SLC25A48: variants seen among roughly 807,000 people sequenced by gnomAD.
SLC25A48 encodes the protein CTC-321K16.1.
In SLC25A48, 29 loss-of-function variants were observed where a neutral mutation model predicts 32.2. That is an observed-to-expected ratio of 0.90 (90% CI 0.67 to 1.23). The LOEUF is 1.23. Ranked by LOEUF, SLC25A48 falls within the 50% of genes most tolerant of loss-of-function variation. SLC25A48 has a pLI of 0.00. For synonymous variants in SLC25A48, 164 were observed against 172.3 expected, an observed-to-expected ratio of 0.95 and a Z score of 0.38; for missense variants, 399 against 422.7, an observed-to-expected ratio of 0.94 and a Z score of 0.49.
intron 1 of SLC25A48, among the ~76,000 whole-genome samples, chr5:135,583,461 C>T (rs143088089): frequency 1.9e-4 from 29 of 152,090 alleles, no homozygotes; most frequent in African/African-American, 6.3e-4. Flanking sequence ...TAGTTCTTTT[C>T]GTGACTGACC....
intron 3 of SLC25A48, among the ~76,000 whole-genome samples, chr5:135,738,214 G>A (rs1392605844): frequency 6.6e-6 from 1 of 152,166 alleles, no homozygotes; most frequent in Non-Finnish European, 1.5e-5. Context: ...AGCAGATCAA[G>A]TGCACTCATT....
At position 135,714,309 on chromosome 5, in the gene SLC25A48, G is replaced by A. The variant is rs139077129; in HGVS notation, c.-521+79353G>A. On this transcript the variant is annotated intron_variant, in intron 3 of 10. Coordinates refer to the SLC25A48 transcript ENST00000646290. ...CCCTGGGGACCAGACAGAAGCAGAT[G>A]AGGGCTTTGTGGTCCACAAATTCCT... Among the ~76,000 whole-genome samples, 296 of 152,340 alleles carry A rather than the reference G, an allele frequency of 1.9e-3. 1 individual carries two copies. Among genetic ancestry groups the A allele is most frequent in the African/African-American group, 6.6e-3 (276 of 41,584 alleles).
intron 2 of SLC25A48, among the ~76,000 whole-genome samples, chr5:135,630,587 CCTT>C (rs1561766106): frequency 8.6e-5 from 8 of 93,394 alleles, no homozygotes; most frequent in African/African-American, 2.5e-4. Context: ...AGGCTGGGCA[CCTT>C]TTTTTTTTTT....
intron 3 of SLC25A48, among the ~76,000 whole-genome samples, chr5:135,682,029 A>G (rs1163206668): frequency 1.3e-5 from 2 of 152,166 alleles, no homozygotes; most frequent in East Asian, 3.9e-4. Flanking sequence ...GAGTCTGCAA[A>G]TATCTGGAGC....
At chr5:135,625,161 G>A (rs1752416145) in intron 1 of SLC25A48, among the ~76,000 whole-genome samples, 1 of 152,116 alleles carries the variant, frequency 6.6e-6, no homozygotes, top group African/African-American at 2.4e-5. Context: ...AGGGTGAGAT[G>A]AGGAAAGGCC....
At chr5:135,744,878 C>T (rs186926189) in intron 3 of SLC25A48, among the ~76,000 whole-genome samples, 35 of 152,148 alleles carry the variant, frequency 2.3e-4, no homozygotes, top group African/African-American at 7.7e-4. Context: ...CCTGTCTCTA[C>T]TAAAACTACA....
intron 3 of SLC25A48, among the ~76,000 whole-genome samples, chr5:135,668,792 G>A (rs1378753595): frequency 2.0e-5 from 3 of 152,188 alleles, no homozygotes; most frequent in Non-Finnish European, 1.5e-5. Context: ...AGGATAATTA[G>A]CATGTCTTCC....
chr5:135,599,831 G>T (rs1335182275), intron 1 of SLC25A48, among the ~76,000 whole-genome samples: 1 of 152,138 alleles, frequency 6.6e-6, no homozygotes, highest in African/African-American at 2.4e-5. Flanking sequence ...CTCAGTTCTG[G>T]CCTTCGCACT....
intron 3 of SLC25A48, among the ~76,000 whole-genome samples, chr5:135,728,684 G>A (rs1157359217): frequency 6.6e-6 from 1 of 152,096 alleles, no homozygotes; most frequent in African/African-American, 2.4e-5. Flanking sequence ...AATTGCTGGT[G>A]CCTTCTTGAT....
At chr5:135,849,975 T>C (rs1302371804) in intron 2 of SLC25A48, among the ~76,000 whole-genome samples, 1 of 151,804 alleles carries the variant, frequency 6.6e-6, no homozygotes, top group Non-Finnish European at 1.5e-5. Context: ...ATGGAGGAAG[T>C]GAGGGAGAAG....
intron 3 of SLC25A48, among the ~76,000 whole-genome samples, chr5:135,700,390 A>AAG (rs1379247040): frequency 1.3e-5 from 2 of 151,118 alleles, no homozygotes; most frequent in Non-Finnish European, 3.0e-5. Flanking sequence ...AAAAAAAAAA[A>AAG]AAAGAAAGAA....
chr5:135,788,120 C>T (rs985171192), intron 3 of SLC25A48, among the ~76,000 whole-genome samples: 7 of 151,068 alleles, frequency 4.6e-5, no homozygotes, highest in African/African-American at 4.9e-5. Flanking sequence ...CCCCATGTGG[C>T]GAGGGGTGTA....
intron 4 of SLC25A48, among the ~76,000 whole-genome samples, chr5:135,868,903 C>T (rs1405513943): frequency 6.6e-6 from 1 of 152,140 alleles, no homozygotes; most frequent in Non-Finnish European, 1.5e-5. Flanking sequence ...AACCTTGACT[C>T]CTGGTCAGGT....
chr5:135,846,401 C>G (rs905958461), intron 2 of SLC25A48, among the ~76,000 whole-genome samples: 1 of 152,188 alleles, frequency 6.6e-6, no homozygotes, highest in African/African-American at 2.4e-5. Context: ...ATGCTCCCCA[C>G]AATTCTAGGC....
At chr5:135,787,199 G>T (rs1227569414) in intron 3 of SLC25A48, among the ~76,000 whole-genome samples, 3 of 151,874 alleles carry the variant, frequency 2.0e-5, no homozygotes, top group Admixed American at 6.6e-5. Flanking sequence ...AATCACAGTG[G>T]GTGTACAACA....
chr5:135,637,133 T>G (rs1421164145), intron 3 of SLC25A48, among the ~76,000 whole-genome samples: 1 of 152,194 alleles, frequency 6.6e-6, no homozygotes, highest in South Asian at 2.1e-4. Context: ...GCCTTCAGAG[T>G]TTATAATTTA....
intron 3 of SLC25A48, among the ~76,000 whole-genome samples, chr5:135,669,504 G>C (rs536811879): frequency 6.6e-6 from 1 of 152,264 alleles, no homozygotes; most frequent in Non-Finnish European, 1.5e-5. Context: ...GTGGGCAACG[G>C]GATGTCACTT....
chr5:135,834,067 T>G (rs1399950272), upstream of SLC25A48, among the ~76,000 whole-genome samples: 2 of 152,188 alleles, frequency 1.3e-5, no homozygotes, highest in Non-Finnish European at 2.9e-5. Context: ...CTCATTGTAA[T>G]CAAAAGCCTC....
At chr5:135,849,748 A>C (rs781258764) in intron 2 of SLC25A48, among the ~76,000 whole-genome samples, 1 of 152,168 alleles carries the variant, frequency 6.6e-6, no homozygotes, top group Non-Finnish European at 1.5e-5. Flanking sequence ...GGGGAACAGC[A>C]GGGGCAGCTG....
Sources: allele counts gnomAD v4.1 joint callset (sites outside exome capture counted in the v4.1 genomes callset), GRCh38; gene constraint gnomAD v4.1.1; transcripts MANE v1.5; gene names NCBI Gene and HGNC (gene_info 2026-07-23, HGNC 2026-07-21).